TAF9B: variants seen among roughly 807,000 people sequenced by gnomAD.
The protein encoded by TAF9B is transcription initiation factor TFIID subunit 9B.
In TAF9B, 47 loss-of-function variants were observed where a neutral mutation model predicts 17.6. The observed-to-expected ratio is 2.68, with a 90% CI of 2.12 to 3.41. TAF9B has a LOEUF of 3.41. Among genes scored for constraint, TAF9B ranks in the 30% most tolerant of loss-of-function variants. The probability of loss-of-function intolerance (pLI) is 0.00; values close to 1 mark genes in which losing one functional copy is unlikely to be tolerated. For missense variants in TAF9B, 218 were observed against 189.3 expected (o/e 1.15, Z -0.89); for synonymous variants, 84 against 68.7 (o/e 1.22, Z -1.10).
rs2078447863 is a variant in TAF9B, at chrX:78,139,543, C to T, written c.51+18G>A. 4 of 1,210,395 alleles carry T rather than the reference C, an allele frequency of 3.3e-6. No homozygotes were observed. Among genetic ancestry groups the T allele is most frequent in the Non-Finnish European group, 4.5e-6 (4 of 895,030 alleles). The stretch of plus-strand genomic sequence containing the variant: ...CTGCACCTGGCTTCGCGATCCGCGG[C>T]TTATCCTTCGCACTTACCAAGGCAT... On this transcript the variant is annotated intron_variant, in intron 1 of 6. Coordinates refer to ENST00000341864, the MANE Select transcript of TAF9B (RefSeq NM_015975.5).
Position 78,131,549 on chromosome X carries a change from C to T in TAF9B, c.*61G>A, listed in dbSNP as rs1191562250. 1 of 1,003,232 alleles carries T rather than the reference C, an allele frequency of 1.0e-6. No homozygotes were observed. The highest frequency in any genetic ancestry group is 1.9e-5 in the African/African-American group (1 of 52,612). The allele number at this position is 1,003,232 out of a possible 1,213,427, so 82.7% of individuals were successfully genotyped here. A position where few individuals can be genotyped will look rare whatever the true frequency, so the allele number is the denominator to read the frequency against. ...AAACAAGATCTAGAATATTCTAGTT[C>T]AGTATACTGGGCTCAAAACCAACTT... On this transcript the variant is annotated 3_prime_UTR_variant, in exon 7 of 7. Transcript: ENST00000341864.
intron 6 of TAF9B, among the ~76,000 whole-genome samples, chrX:78,132,972 C>A (rs1557249674): frequency 9.0e-6 from 1 of 111,700 alleles, no homozygotes; most frequent in Non-Finnish European, 1.9e-5. Flanking sequence ...TGAGAGATCA[C>A]ACTCACATAT....
intron 5 of TAF9B, 51 bp from the exon 6 acceptor site, chrX:78,133,499 A>G (rs1557249759): frequency 1.1e-6 from 1 of 936,331 alleles, no homozygotes; most frequent in Non-Finnish European, 1.5e-6. Context: ...ATACAGATTT[A>G]TATTCTACAC....
intron 5 of TAF9B, among the ~76,000 whole-genome samples, chrX:78,134,269 ATTATC>A (rs1410470792): frequency 7.2e-5 from 8 of 111,432 alleles, no homozygotes; most frequent in Non-Finnish European, 1.3e-4. Context: ...AGGAGTCATT[ATTATC>A]TTATCTCATT....
At position 78,131,559 on chromosome X, in the gene TAF9B, G is replaced by A. The variant is rs192345068; in HGVS notation, c.*51C>T. The A allele has an allele frequency of 9.2e-7, 1 of 1,088,448 alleles. No homozygotes were observed. The highest frequency in any genetic ancestry group is 2.4e-5 in the Admixed American group (1 of 42,488). 89.7% of individuals were successfully genotyped at this position (1,088,448 alleles called of 1,213,427 possible). On this transcript the variant is annotated 3_prime_UTR_variant, in exon 7 of 7. Transcript: ENST00000341864. ...TAGAATATTCTAGTTCAGTATACTG[G>A]GCTCAAAACCAACTTTCCTTTTGAA...
At chrX:78,134,658 AAC>A (rs2078427267) in intron 5 of TAF9B, among the ~76,000 whole-genome samples, 1 of 111,897 alleles carries the variant, frequency 8.9e-6, no homozygotes, top group African/African-American at 3.3e-5. Context: ...TTCTCTCCCA[AAC>A]ACAGAAGGTG....
intron 1 of TAF9B, among the ~76,000 whole-genome samples, chrX:78,139,299 C>T (rs1015142229): frequency 5.8e-4 from 64 of 111,238 alleles, no homozygotes; most frequent in Non-Finnish European, 3.8e-5. Context: ...GAGGGGGAGG[C>T]AGGGGCCCGA....
Position 78,130,783 on chromosome X carries a change from T to G in TAF9B, c.*827A>C, listed in dbSNP as rs1603399348. On this transcript the variant is annotated 3_prime_UTR_variant, in exon 7 of 7. Transcript: ENST00000341864. ...AAACTGAATATAACTGACCCAAAAC[T>G]ACCTGTCAAAAGCACAGTAAAGCTT... 8.9e-6 allele frequency: 1 copy of G among 112,402 alleles called. No homozygotes were observed. Among genetic ancestry groups the G allele is most frequent in the East Asian group, 2.8e-4 (1 of 3,596 alleles). 9.3% of individuals were successfully genotyped at this position (112,402 alleles called of 1,213,427 possible).
Position 78,130,014 on chromosome X carries a change from A to G in TAF9B, c.*1596T>C, listed in dbSNP as rs1474673653. The stretch of plus-strand genomic sequence containing the variant: ...CTGCCTCCCTGAGAACATTCAAGTA[A>G]TAATATCCTATGCTATATAATGAAT... On this transcript the variant is annotated 3_prime_UTR_variant, in exon 7 of 7. Coordinates refer to ENST00000341864, the MANE Select transcript of TAF9B (RefSeq NM_015975.5). The G allele has an allele frequency of 8.9e-6, 1 of 112,115 alleles. No homozygotes were observed. The highest frequency in any genetic ancestry group is 1.9e-5 in the Non-Finnish European group (1 of 53,169). The allele number at this position is 112,115 out of a possible 1,213,427, so 9.2% of individuals were successfully genotyped here. A position where few individuals can be genotyped will look rare whatever the true frequency, so the allele number is the denominator to read the frequency against.
chrX:78,136,854 A>G (rs2078435981), intron 5 of TAF9B, 61 bp downstream of exon 5: 1 of 893,474 alleles, frequency 1.1e-6, no homozygotes, highest in Admixed American at 2.3e-5. Context: ...ATTATAGTTC[A>G]AAACCAAGTG....
rs782138975 is a variant in TAF9B at position 78,131,738 on chromosome X, T to G, written c.628A>C (p.Asn210His). The G allele has an allele frequency of 2.9e-5, 35 of 1,208,489 alleles. No individual in the cohort carries two copies. The highest frequency in any genetic ancestry group is 1.4e-4 in the South Asian group (8 of 56,501). The change falls in exon 7 of 7, where the codon AAT (asparagine) becomes CAT (histidine). Residue 210 changes from asparagine to histidine, a missense_variant. Transcript: ENST00000341864. The part of the protein sequence containing the change: ...ATTAVQNVLI[N>H]PSMIGPKNIL... ...TTTTTGGGCCCAATCATTGAAGGAT[T>G]AATCAGAACATTTTGAACTGCAGTT...
Position 78,130,737 on chromosome X carries a change from T to C in TAF9B, c.*873A>G, listed in dbSNP as rs1489092543. On this transcript the variant is annotated 3_prime_UTR_variant, in exon 7 of 7. Transcript: ENST00000341864. ...AGAAATGTGAAACATGGAAGAGTTA[T>C]CAACTTGGAATACAATACTAAAACT... The C allele has an allele frequency of 8.9e-6, 1 of 112,460 alleles. No individual in the cohort carries two copies. Among genetic ancestry groups the C allele is most frequent in the African/African-American group, 3.2e-5 (1 of 30,850 alleles). 9.3% of individuals were successfully genotyped at this position (112,460 alleles called of 1,213,427 possible). A position where few individuals can be genotyped will look rare whatever the true frequency, so the allele number is the denominator to read the frequency against.
chrX:78,131,501 C>T lies in TAF9B; in HGVS notation c.*109G>A, dbSNP rs188651758. 118 of 672,146 alleles carry T rather than the reference C, an allele frequency of 1.8e-4. No homozygotes were observed. Among genetic ancestry groups the T allele is most frequent in the Non-Finnish European group, 2.4e-4 (110 of 455,974 alleles). 55.4% of individuals were successfully genotyped at this position (672,146 alleles called of 1,213,427 possible). On this transcript the variant is annotated 3_prime_UTR_variant, in exon 7 of 7. Coordinates refer to ENST00000341864, the MANE Select transcript of TAF9B (RefSeq NM_015975.5). ...TTTTAACTGACGAAAAATACTGCAGCTACATTTCAGTCTTTTAAGGTAAAA... is the reference window on the plus strand; with the variant it reads ...TTTTAACTGACGAAAAATACTGCAGTTACATTTCAGTCTTTTAAGGTAAAA...
At chrX:78,137,674 A>G in intron 4 of TAF9B, 75 bp downstream of exon 4, 2 of 971,321 alleles carry the variant, frequency 2.1e-6, no homozygotes, top group Non-Finnish European at 2.8e-6. Flanking sequence ...TACTAGCTAC[A>G]GGAATTTGCT....
At position 78,130,129 on chromosome X, in the gene TAF9B, CTG is replaced by C. The variant is rs1172696281; in HGVS notation, c.*1479_*1480del. ...TCCCTAATACTGAAAAACACTAAAA[CTG>C]ATACGAGACATTTGAGACATTTCTT... On this transcript the variant is annotated 3_prime_UTR_variant, in exon 7 of 7. Transcript: ENST00000341864. The C allele has an allele frequency of 3.6e-5, 4 of 112,458 alleles. No individual in the cohort carries two copies. Among genetic ancestry groups the C allele is most frequent in the Non-Finnish European group, 7.5e-5 (4 of 53,264 alleles). The allele number at this position is 112,458 out of a possible 1,213,427, so 9.3% of individuals were successfully genotyped here.
chrX:78,136,534 A>G (rs1190342565), intron 5 of TAF9B, among the ~76,000 whole-genome samples: 1 of 112,151 alleles, frequency 8.9e-6, no homozygotes, highest in Non-Finnish European at 1.9e-5. Flanking sequence ...TCTTCTTTCT[A>G]CTGTATTCTC....
intron 5 of TAF9B, 107 bp downstream of exon 5, chrX:78,136,808 C>T (rs2078435904): frequency 2.0e-6 from 1 of 495,263 alleles, no homozygotes; most frequent in Non-Finnish European, 3.5e-6. Flanking sequence ...AATAGTAACA[C>T]ATACACAAGA....
rs1168480261 is a variant in TAF9B, at chrX:78,130,598, A to G, written c.*1012T>C. 1 of 112,484 alleles carries G rather than the reference A, an allele frequency of 8.9e-6. No homozygotes were observed. Among genetic ancestry groups the G allele is most frequent in the African/African-American group, 3.2e-5 (1 of 30,939 alleles). The allele number at this position is 112,484 out of a possible 1,213,427, so 9.3% of individuals were successfully genotyped here. The stretch of plus-strand genomic sequence containing the variant: ...TAGCGGGGCTCAAGCAGCAGTGATC[A>G]AAACATAATATGTATGTGGTAAAAA... On this transcript the variant is annotated 3_prime_UTR_variant, in exon 7 of 7. Coordinates refer to ENST00000341864, the MANE Select transcript of TAF9B (RefSeq NM_015975.5).
chrX:78,131,514 TTTTAAGG>T lies in TAF9B; in HGVS notation c.*89_*95del. 1.3e-6 allele frequency: 1 copy of T among 799,176 alleles called. No individual in the cohort carries two copies. Among genetic ancestry groups the T allele is most frequent in the African/African-American group, 2.1e-5 (1 of 48,399 alleles). 65.9% of individuals were successfully genotyped at this position (799,176 alleles called of 1,213,427 possible). A position where few individuals can be genotyped will look rare whatever the true frequency, so the allele number is the denominator to read the frequency against. ...AAAATACTGCAGCTACATTTCAGTCTTTTAAGGTAAAACAAGATCTAGAATATTCTAG... is the reference window on the plus strand; with the variant it reads ...AAAATACTGCAGCTACATTTCAGTCTTAAAACAAGATCTAGAATATTCTAG... On this transcript the variant is annotated 3_prime_UTR_variant, in exon 7 of 7. Transcript: ENST00000341864.
Sources: allele counts gnomAD v4.1 joint callset (sites outside exome capture counted in the v4.1 genomes callset), GRCh38; gene constraint gnomAD v4.1.1; transcripts MANE v1.5; gene names NCBI Gene and HGNC (gene_info 2026-07-23, HGNC 2026-07-21).